Variants in BCCIP observed in about 807,000 individuals in gnomAD.
BCCIP encodes BRCA2 and CDKN1A-interacting protein.
BCCIP carries 23 observed loss-of-function variants against 32.8 expected under a neutral mutation model. The ratio of observed to expected loss-of-function variants is 0.70; its 90% CI spans 0.51 to 0.99. The LOEUF (loss-of-function observed/expected upper bound fraction) is 0.99, where lower values mean the gene tolerates loss of function less well. Among genes scored for constraint, BCCIP ranks in the 50% least tolerant of loss-of-function variants. The probability of loss-of-function intolerance (pLI) is 0.00; values close to 1 mark genes in which losing one functional copy is unlikely to be tolerated. For missense variants in BCCIP, 378 were observed against 379.8 expected, an observed-to-expected ratio of 1.00 and a Z score of 0.04; for synonymous variants, 144 against 137.6, an observed-to-expected ratio of 1.05 and a Z score of -0.33.
At chr10:125,834,122 C>T (rs1217598457) in intron 6 of BCCIP, 176 bp downstream of exon 6, 1 of 677,390 alleles carries the variant, frequency 1.5e-6, no homozygotes, top group Non-Finnish European at 2.5e-6. Flanking sequence ...AGTAGGTACT[C>T]AGGAGGCTAG....
At chr10:125,843,340 C>T (rs1854932641), downstream of BCCIP, among the ~76,000 whole-genome samples, 1 of 152,080 alleles carries the variant, frequency 6.6e-6, no homozygotes, top group African/African-American at 2.4e-5. Context: ...AAATTTCAGG[C>T]AAACTGAGTA....
intron 7 of BCCIP, chr10:125,852,739 A>G (rs1304151319): frequency 3.7e-6 from 4 of 1,089,588 alleles, no homozygotes; most frequent in African/African-American, 3.2e-5. Flanking sequence ...ACTTTACTCC[A>G]TGAAATGCAC....
At chr10:125,835,595 C>G (rs1024960872) in intron 6 of BCCIP, among the ~76,000 whole-genome samples, 1 of 143,610 alleles carries the variant, frequency 7.0e-6, no homozygotes, top group African/African-American at 2.5e-5. Context: ...AAAAAACAAA[C>G]AAACAAAAAA....
Position 125,833,942 on chromosome 10 carries a change from A to T in BCCIP, c.770A>T (p.Tyr257Phe). Reference protein sequence around the residue: ...MFANAEEEFFYEKAILKFNYS... With the variant: ...MFANAEEEFFFEKAILKFNYS... ...GCAAATGCAGAGGAAGAATTTTTCT[A>T]TGAGGTAAGACTATCCTGCTTATTT... The change falls in exon 6 of 7, where the codon TAT becomes TTT. Residue 257 changes from tyrosine (Y) to phenylalanine (F), a missense_variant. By Grantham distance (22) the Tyr-to-Phe change is conservative. Transcript: ENST00000278100. 6.2e-7 allele frequency: 1 copy of T among 1,614,098 alleles called. No individual in the cohort carries two copies. Among genetic ancestry groups the T allele is most frequent in the African/African-American group, 1.3e-5 (1 of 75,050 alleles).
intron 7 of BCCIP, among the ~76,000 whole-genome samples, chr10:125,849,724 T>TA (rs111610177): frequency 0.013 from 1,907 of 152,316 alleles, 60 homozygotes; most frequent in East Asian, 0.093. Flanking sequence ...CTCCTCTTAG[T>TA]ACATGTAAAT....
At chr10:125,849,395 G>A (rs886270572) in intron 7 of BCCIP, among the ~76,000 whole-genome samples, 6 of 152,116 alleles carry the variant, frequency 3.9e-5, no homozygotes, top group African/African-American at 1.4e-4. Flanking sequence ...TTCACTTTCT[G>A]TAACATTATT....
Position 125,827,690 on chromosome 10 carries a change from C to A in BCCIP, c.321+52C>A. 3 of 1,346,108 alleles carry A rather than the reference C, an allele frequency of 2.2e-6. No individual in the cohort carries two copies. The South Asian group carries it at 3.6e-5, about 16-fold the overall frequency. 83.4% of individuals were successfully genotyped at this position (1,346,108 alleles called of 1,614,324 possible). A position where few individuals can be genotyped will look rare whatever the true frequency, so the allele number is the denominator to read the frequency against. ...GATTAAATGAGTTCTTTATTCTGTTCATGCTGGGCCTCACCATGCTTGTAA... is the reference window on the plus strand; with the variant it reads ...GATTAAATGAGTTCTTTATTCTGTTAATGCTGGGCCTCACCATGCTTGTAA... On this transcript the variant is annotated intron_variant, in intron 3 of 6. Transcript: ENST00000278100.
downstream of BCCIP, chr10:125,841,160 T>C: frequency 1.5e-6 from 2 of 1,373,850 alleles, no homozygotes; most frequent in Admixed American, 2.2e-5. Flanking sequence ...AAATTTAGAG[T>C]GAGTCATCCT....
chr10:125,851,970 T>C (rs1273155924), intron 7 of BCCIP, among the ~76,000 whole-genome samples: 1 of 150,940 alleles, frequency 6.6e-6, no homozygotes, highest in African/African-American at 2.4e-5. Context: ...TTCAAGCTGC[T>C]GAGAATTCTT....
chr10:125,850,324 C>A (rs1297865403), intron 7 of BCCIP, among the ~76,000 whole-genome samples: 1 of 150,356 alleles, frequency 6.7e-6, no homozygotes, highest in Admixed American at 6.6e-5. Flanking sequence ...TCCCTGGCCT[C>A]TGCAGCCTTT....
chr10:125,831,570 C>T lies in BCCIP; in HGVS notation c.562C>T (p.Pro188Ser), dbSNP rs755434191. The change falls in exon 5 of 7, where the codon CCT (proline) becomes TCT (serine). Residue 188 changes from proline to serine, a missense_variant. Pro to Ser is a moderately conservative substitution (Grantham distance 74). Transcript: ENST00000278100. ...LLLSERFINV[P>S]PQIALPMYQQ... The stretch of plus-strand genomic sequence containing the variant: ...CCTAAGTGAAAGATTCATTAATGTC[C>T]CTCCACAGATCGCTCTGCCCATGTA... 6.2e-7 allele frequency: 1 copy of T among 1,614,148 alleles called. No individual in the cohort carries two copies. Among genetic ancestry groups the T allele is most frequent in the South Asian group, 1.1e-5 (1 of 91,078 alleles).
At chr10:125,823,824 G>GCAAGCCCAGGC in intron 1 of BCCIP, 102 bp downstream of exon 1, 1 of 1,492,140 alleles carries the variant, frequency 6.7e-7, no homozygotes, top group Non-Finnish European at 9.0e-7. Context: ...GACCCTGAGG[G>GCAAGCCCAGGC]TCTGTGAGGA....
At chr10:125,834,957 C>A (rs552776394) in intron 6 of BCCIP, among the ~76,000 whole-genome samples, 1 of 149,546 alleles carries the variant, frequency 6.7e-6, no homozygotes, top group East Asian at 2.0e-4. Flanking sequence ...ATGGTGAAAC[C>A]CCGTCTCTAC....
rs11244666 is a variant in BCCIP at position 125,827,006 on chromosome 10, G to T, written c.240+341G>T. On this transcript the variant is annotated intron_variant, in intron 2 of 6. Transcript: ENST00000278100. ...GTGAGCCTCTGTCTCTAAAAAAAAA[G>T]AAAATTCAGGTCATTCAATACAGGC... 9.2e-5 allele frequency among the ~76,000 whole-genome samples: 5 copies of T among 54,116 alleles called. 1 individual carries two copies. Among genetic ancestry groups the T allele is most frequent in the South Asian group, 1.3e-3 (2 of 1,482 alleles). 35.5% of individuals were successfully genotyped at this position (54,116 alleles called of 152,430 possible). A position where few individuals can be genotyped will look rare whatever the true frequency, so the allele number is the denominator to read the frequency against.
downstream of BCCIP, among the ~76,000 whole-genome samples, chr10:125,845,823 C>T (rs1484376054): frequency 6.6e-6 from 1 of 152,244 alleles, no homozygotes; most frequent in East Asian, 1.9e-4. Flanking sequence ...GCCACCCGCA[C>T]CGTGAGGCAG....
At chr10:125,852,041 T>C (rs959339551) in intron 7 of BCCIP, among the ~76,000 whole-genome samples, 1 of 152,136 alleles carries the variant, frequency 6.6e-6, no homozygotes, top group Non-Finnish European at 1.5e-5. Flanking sequence ...TTAAGCCCAG[T>C]TCCCCTGTGC....
At chr10:125,841,249 C>T (rs200461845), downstream of BCCIP, 2,029 of 1,612,066 alleles carry the variant, frequency 1.3e-3, 6 homozygotes, top group Non-Finnish European at 1.6e-3. Flanking sequence ...GCTTCTATTC[C>T]GGCAGGAGCA....
At chr10:125,825,978 ACT>A (rs1564816778) in intron 1 of BCCIP, 4 of 149,578 alleles carry the variant, frequency 2.7e-5, no homozygotes, top group Non-Finnish European at 1.5e-5. Context: ...TGTACCAGGA[ACT>A]CTCTTTGCTG....
intron 5 of BCCIP, 44 bp from the exon 6 acceptor site, chr10:125,833,728 A>T: frequency 6.2e-7 from 1 of 1,606,210 alleles, no homozygotes; most frequent in East Asian, 2.2e-5. Context: ...GATGGATTTC[A>T]CTTGACCCAG....
Sources: allele counts gnomAD v4.1 joint callset (sites outside exome capture counted in the v4.1 genomes callset), GRCh38; gene constraint gnomAD v4.1.1; transcripts MANE v1.5; gene names NCBI Gene and HGNC (gene_info 2026-07-23, HGNC 2026-07-21).